THUMPD2: variants seen among roughly 807,000 people sequenced by gnomAD.
THUMPD2 encodes THUMP domain 2 tRNA and snRNA guanosine methyltransferase.
A neutral mutation model predicts 49.4 loss-of-function variants in THUMPD2; 56 were observed. The ratio of observed to expected loss-of-function variants is 1.13; its 90% CI spans 0.91 to 1.41. The LOEUF (loss-of-function observed/expected upper bound fraction) is 1.41, where lower values mean the gene tolerates loss of function less well. Among genes scored for constraint, THUMPD2 ranks in the 40% most tolerant of loss-of-function variants. The probability of loss-of-function intolerance (pLI) is 0.00; values close to 1 mark genes in which losing one functional copy is unlikely to be tolerated. For missense variants in THUMPD2, 709 were observed against 594.5 expected (o/e 1.19, Z -2.00); for synonymous variants, 237 against 205.2 (o/e 1.15, Z -1.32).
chr2:39,756,001 A>G (rs771588410), intron 6 of THUMPD2, 41 bp from the exon 7 acceptor site: 2 of 1,556,768 alleles, frequency 1.3e-6, no homozygotes, highest in African/African-American at 2.7e-5. Flanking sequence ...TAAGACTACC[A>G]TAGTACGTAC....
At chr2:39,738,508 G>C (rs1242298864) in intron 9 of THUMPD2, among the ~76,000 whole-genome samples, 1 of 151,858 alleles carries the variant, frequency 6.6e-6, no homozygotes, top group Non-Finnish European at 1.5e-5. Context: ...AGGTTGCAGT[G>C]AGCTGAGATT....
intron 1 of THUMPD2, among the ~76,000 whole-genome samples, 162 bp downstream of exon 1, chr2:39,778,952 G>C (rs1328621160): frequency 3.3e-5 from 5 of 152,230 alleles, no homozygotes; most frequent in African/African-American, 4.8e-5. Flanking sequence ...GGCTTCTCTC[G>C]GCCGGAGCGG....
chr2:39,766,091 C>A lies in THUMPD2; in HGVS notation c.769G>T (p.Asp257Tyr). The A allele has an allele frequency of 6.3e-7, 1 of 1,584,630 alleles. No homozygotes were observed. Among genetic ancestry groups the A allele is most frequent in the South Asian group, 1.2e-5 (1 of 85,040 alleles). ...GGAATCCCCACCACAGAGTAAATGT[C>A]ATTTAGATGTATAAAGATCTGAAAG... ...PQLEIFIHLN[D>Y]IYSVVGIPVF... The change falls in exon 5 of 10, where the codon GAC (aspartate) becomes TAC (tyrosine). Residue 257 changes from aspartate to tyrosine, a missense_variant. Physicochemically the swap from Asp to Tyr is radical, Grantham distance 160. Transcript: ENST00000505747.
intron 9 of THUMPD2, among the ~76,000 whole-genome samples, chr2:39,742,901 C>A (rs756499932): frequency 2.0e-5 from 3 of 152,106 alleles, no homozygotes; most frequent in African/African-American, 7.2e-5. Flanking sequence ...TATTGGGCAG[C>A]AGGGAGTACA....
chr2:39,769,178 A>G, intron 3 of THUMPD2: 1 of 1,026,580 alleles, frequency 9.7e-7, no homozygotes, highest in Non-Finnish European at 1.3e-6. Context: ...AGGATTTCCA[A>G]ATACAAAGGA....
At chr2:39,774,021 C>G (rs997332141) in intron 1 of THUMPD2, among the ~76,000 whole-genome samples, 9 of 152,230 alleles carry the variant, frequency 5.9e-5, no homozygotes, top group African/African-American at 1.9e-4. Flanking sequence ...TAGGTTTTCT[C>G]TGAGTACCCC....
At chr2:39,738,911 A>C (rs192709638) in intron 9 of THUMPD2, among the ~76,000 whole-genome samples, 20 of 152,202 alleles carry the variant, frequency 1.3e-4, no homozygotes, top group Admixed American at 8.5e-4. Flanking sequence ...AAACAGTGGC[A>C]GCTAAAGGAC....
chr2:39,767,980 T>A (rs1225217515), intron 4 of THUMPD2, among the ~76,000 whole-genome samples: 3 of 152,174 alleles, frequency 2.0e-5, no homozygotes, highest in Non-Finnish European at 4.4e-5. Context: ...TACTGTAACC[T>A]TATTAATTTT....
rs1460552988 is a variant in THUMPD2, at chr2:39,736,976, A to T, written c.1271T>A (p.Ile424Asn). 2 of 1,613,924 alleles carry T rather than the reference A, an allele frequency of 1.2e-6. No homozygotes were observed. The highest frequency in any genetic ancestry group is 4.5e-5 in the East Asian group (2 of 44,868). ...GTGACTGTCCTTGGAATTGAAAGGGATGTTGCTCTCTTTACAATCTGTAAG... is the reference window on the plus strand; with the variant it reads ...GTGACTGTCCTTGGAATTGAAAGGGTTGTTGCTCTCTTTACAATCTGTAAG... Reference protein sequence around the residue: ...RRLTDCKESNIPFNSKDSHTD... With the variant: ...RRLTDCKESNNPFNSKDSHTD... Residue 424 changes from isoleucine to asparagine, a missense_variant, in exon 10 of 10, where the codon ATC becomes AAC. Ile to Asn is a moderately radical substitution (Grantham distance 149, BLOSUM62 -3). Transcript: ENST00000505747.
chr2:39,759,378 C>T (rs942511196), intron 6 of THUMPD2, among the ~76,000 whole-genome samples: 1 of 151,918 alleles, frequency 6.6e-6, no homozygotes, highest in Non-Finnish European at 1.5e-5. Flanking sequence ...TACTTAGACA[C>T]TTTCTGTATG....
chr2:39,762,379 T>C (rs1297293898), intron 5 of THUMPD2, among the ~76,000 whole-genome samples: 2 of 152,192 alleles, frequency 1.3e-5, no homozygotes, highest in Non-Finnish European at 2.9e-5. Flanking sequence ...GCCTCTCATC[T>C]TTCTTTGACT....
chr2:39,740,020 A>G (rs762504296), intron 9 of THUMPD2, among the ~76,000 whole-genome samples: 3 of 152,190 alleles, frequency 2.0e-5, no homozygotes, highest in Non-Finnish European at 4.4e-5. Context: ...GATATAGCTA[A>G]TATTTATTGA....
In THUMPD2 at chr2:39,757,445, C is replaced by T. The variant is rs73924935; in HGVS notation, c.892-1485G>A. 4.5e-3 allele frequency: 5,846 copies of T among 1,293,878 alleles called. 227 individuals carry two copies. The African/African-American group carries it at 0.081, about 18-fold the overall frequency. 80.1% of individuals were successfully genotyped at this position (1,293,878 alleles called of 1,614,324 possible). ...ACTAAATTTTAAAGAGAATATCACACAAATCCCCCATGAAGGGGCAGTAAG... is the reference window on the plus strand; with the variant it reads ...ACTAAATTTTAAAGAGAATATCACATAAATCCCCCATGAAGGGGCAGTAAG... On this transcript the variant is annotated intron_variant, in intron 6 of 9. Coordinates refer to ENST00000505747, the MANE Select transcript of THUMPD2 (RefSeq NM_025264.5).
chr2:39,761,522 A>G, intron 5 of THUMPD2, 104 bp from the exon 6 acceptor site: 1 of 1,063,150 alleles, frequency 9.4e-7, no homozygotes, highest in African/African-American at 1.6e-5. Flanking sequence ...ATATTCATCC[A>G]ACATACACTA....
intron 8 of THUMPD2, among the ~76,000 whole-genome samples, chr2:39,751,964 G>C (rs1354546847): frequency 1.3e-5 from 2 of 152,042 alleles, no homozygotes; most frequent in African/African-American, 4.8e-5. Context: ...TGGGATTATA[G>C]GCATAAAGCC....
At chr2:39,750,621 T>G (rs1335207880) in intron 8 of THUMPD2, among the ~76,000 whole-genome samples, 1 of 152,108 alleles carries the variant, frequency 6.6e-6, no homozygotes, top group Non-Finnish European at 1.5e-5. Context: ...GCAGGAGAAC[T>G]GCTTGAACCT....
At chr2:39,737,893 G>A (rs768710096) in intron 9 of THUMPD2, among the ~76,000 whole-genome samples, 15 of 152,164 alleles carry the variant, frequency 9.9e-5, no homozygotes, top group Non-Finnish European at 1.8e-4. Flanking sequence ...CAGTGGGTGG[G>A]TGAGTCACAG....
chr2:39,753,746 T>C (rs778214084), intron 8 of THUMPD2, among the ~76,000 whole-genome samples: 13 of 152,254 alleles, frequency 8.5e-5, no homozygotes, highest in Non-Finnish European at 1.3e-4. Flanking sequence ...GTTGGCTCTG[T>C]CTGCCAGATG....
chr2:39,765,459 C>G (rs1677391404), intron 5 of THUMPD2, among the ~76,000 whole-genome samples: 1 of 151,756 alleles, frequency 6.6e-6, no homozygotes, highest in South Asian at 2.1e-4. Flanking sequence ...CGCCCGGTCC[C>G]TAAGTAAATT....
Sources: gnomAD v4.1 joint callset for allele counts (sites outside exome capture counted in the v4.1 genomes callset) on GRCh38, gnomAD v4.1.1 for gene constraint, MANE v1.5 for transcripts, NCBI Gene and HGNC (gene_info 2026-07-23, HGNC 2026-07-21) for gene names.